Variants in IRF2BP2 observed in about 807,000 individuals in gnomAD.
IRF2BP2 encodes the protein interferon regulatory factor 2 binding protein 2, also known as interferon regulatory factor 2-binding protein 2.
Under a neutral mutation model 32.7 loss-of-function variants are expected in IRF2BP2, and 13 were observed. The observed-to-expected ratio is 0.40, with a 90% confidence interval of 0.26 to 0.63. The LOEUF is 0.63. IRF2BP2 is among the 30% of genes least tolerant of loss of function. The probability of loss-of-function intolerance (pLI) is 0.42; values close to 1 mark genes in which losing one functional copy is unlikely to be tolerated. For synonymous variants in IRF2BP2, 555 were observed against 384.6 expected (o/e 1.44, Z -5.18); for missense variants, 980 against 830.6 (o/e 1.18, Z -2.21).
rs138385624 is a variant in IRF2BP2 at position 234,607,721 on chromosome 1, T to C, written c.1180A>G (p.Thr394Ala). ...GGTGGCGGAGACACAAAAGAGGATG[T>C]AGGAGTCATGGGGATCTTGAGCCCC... The part of the protein sequence containing the change: ...TEGLKIPMTP[T>A]SSFVSPPPPT... Residue 394 changes from threonine to alanine, a missense_variant, in exon 2 of 2, where the codon ACA (threonine) becomes GCA (alanine). Transcript: ENST00000366609. The C allele has an allele frequency of 2.5e-6, 4 of 1,614,054 alleles. No individual in the cohort carries two copies. Among genetic ancestry groups the C allele is most frequent in the South Asian group, 2.2e-5 (2 of 91,084 alleles).
rs574433244 is a variant in IRF2BP2 at position 234,604,665 on chromosome 1, T to C, written c.*2472A>G. On this transcript the variant is annotated 3_prime_UTR_variant, in exon 2 of 2. Coordinates refer to ENST00000366609, the MANE Select transcript of IRF2BP2 (RefSeq NM_182972.3). ...CTTCAACACCCCATCCCCTAATATT[T>C]TGAGTATTAAAAGCACAGCTGAAAT... 1 of 152,188 alleles carries C rather than the reference T, an allele frequency of 6.6e-6. No homozygotes were observed. The highest frequency in any genetic ancestry group is 2.4e-5 in the African/African-American group (1 of 41,448). The allele number at this position is 152,188 out of a possible 1,614,324, so 9.4% of individuals were successfully genotyped here.
intron 1 of IRF2BP2, chr1:234,608,228 G>C (rs1376024306): frequency 5.6e-6 from 3 of 531,600 alleles, no homozygotes; most frequent in Non-Finnish European, 9.9e-6. Context: ...GGAAAACCCC[G>C]TGTCAGAGCG....
Position 234,606,966 on chromosome 1 carries a change from G to A in IRF2BP2, c.*171C>T, listed in dbSNP as rs1261643539. ...TCTTTATAAGTACATACCTTTTGTC[G>A]TCAAAAAAAATATAGAAACACAATG... On this transcript the variant is annotated 3_prime_UTR_variant, in exon 2 of 2. Transcript: ENST00000366609. 2 of 548,734 alleles carry A rather than the reference G, an allele frequency of 3.6e-6. No homozygotes were observed. The highest frequency in any genetic ancestry group is 2.2e-5 in the African/African-American group (1 of 45,362). The allele number at this position is 548,734 out of a possible 1,614,324, so 34.0% of individuals were successfully genotyped here. A position where few individuals can be genotyped will look rare whatever the true frequency, so the allele number is the denominator to read the frequency against.
chr1:234,605,604 T>C lies in IRF2BP2; in HGVS notation c.*1533A>G, dbSNP rs1672139067. On this transcript the variant is annotated 3_prime_UTR_variant, in exon 2 of 2. Coordinates refer to ENST00000366609, the MANE Select transcript of IRF2BP2 (RefSeq NM_182972.3). ...TCAAATGTAAATAGAAGCTAGGCTGTGAACCATACACATAAATTGTAGACC... is the reference window on the plus strand; with the variant it reads ...TCAAATGTAAATAGAAGCTAGGCTGCGAACCATACACATAAATTGTAGACC... The C allele has an allele frequency of 6.6e-6, 1 of 152,250 alleles. No homozygotes were observed. The highest frequency in any genetic ancestry group is 6.5e-5 in the Admixed American group (1 of 15,290). The allele number at this position is 152,250 out of a possible 1,614,324, so 9.4% of individuals were successfully genotyped here.
chr1:234,608,892 G>C lies in IRF2BP2; in HGVS notation c.603C>G (p.Thr201=). ...LMNGSATPLP[T]ALGLGGRAAA... is the part of the protein sequence containing the mutation. ...CAGCGCGGCCGCCGAGGCCGAGCGC[G>C]GTGGGCAGCGGCGTGGCCGAGCCGT... Residue 201 remains threonine, a synonymous_variant, in exon 1 of 2, where the codon ACC becomes ACG. Transcript: ENST00000366609. 1 of 1,332,572 alleles carries C rather than the reference G, an allele frequency of 7.5e-7. No individual in the cohort carries two copies. The highest frequency in any genetic ancestry group is 3.0e-5 in the East Asian group (1 of 32,846). 82.5% of individuals were successfully genotyped at this position (1,332,572 alleles called of 1,614,324 possible). A position where few individuals can be genotyped will look rare whatever the true frequency, so the allele number is the denominator to read the frequency against.
chr1:234,607,065 T>C lies in IRF2BP2; in HGVS notation c.*72A>G, dbSNP rs1672184097. 4.0e-6 allele frequency: 4 copies of C among 1,009,118 alleles called. No individual in the cohort carries two copies. Among genetic ancestry groups the C allele is most frequent in the African/African-American group, 1.6e-5 (1 of 61,840 alleles). 62.5% of individuals were successfully genotyped at this position (1,009,118 alleles called of 1,614,324 possible). Reference sequence around the variant, plus strand: ...TTCCCTTGTCTTGGATATATATATATATGGAGATATATATACAATTCAAGC... The same window carrying C: ...TTCCCTTGTCTTGGATATATATATACATGGAGATATATATACAATTCAAGC... On this transcript the variant is annotated 3_prime_UTR_variant, in exon 2 of 2. Coordinates refer to ENST00000366609, the MANE Select transcript of IRF2BP2 (RefSeq NM_182972.3).
Position 234,607,525 on chromosome 1 carries a change from G to A in IRF2BP2, c.1376C>T (p.Pro459Leu), listed in dbSNP as rs150262546. The change falls in exon 2 of 2, where the codon CCC (proline) becomes CTC (leucine). Residue 459 changes from proline to leucine, a missense_variant. Transcript: ENST00000366609. ...STTRRNSNSPPSPSSMNQRRL... is the reference protein window; with the variant it reads ...STTRRNSNSPLSPSSMNQRRL... ...TCTTTGGTTCATAGAGGACGGAGAG[G>A]GCGGACTGTTGCTATTCCTCCTGGT... The A allele has an allele frequency of 1.8e-4, 285 of 1,614,016 alleles. No homozygotes were observed. Among genetic ancestry groups the A allele is most frequent in the Non-Finnish European group, 2.3e-4 (272 of 1,179,980 alleles).
rs56756186 is a variant in IRF2BP2, at chr1:234,608,422, C to T, written c.1048+25G>A. On this transcript the variant is annotated intron_variant, in intron 1 of 1. Transcript: ENST00000366609. ...CTCCGTCCCCTTTTCTCCCCTAGAC[C>T]CCCTCACTTCACAGCCGCCCCTACC... is the stretch of plus-strand genomic sequence containing the variant. 4,373 of 1,462,102 alleles carry T rather than the reference C, an allele frequency of 3.0e-3. 110 individuals are homozygous for T. In the African/African-American group the frequency reaches 0.052, roughly 18 times the overall value. 90.6% of individuals were successfully genotyped at this position (1,462,102 alleles called of 1,614,324 possible).
chr1:234,607,992 C>A, intron 1 of IRF2BP2, 140 bp from the exon 2 acceptor site: 1 of 679,834 alleles, frequency 1.5e-6, no homozygotes, highest in Non-Finnish European at 2.4e-6. Flanking sequence ...TACTCATATA[C>A]GAGTTTCAGG....
Position 234,609,098 on chromosome 1 carries a change from A to C in IRF2BP2, c.397T>G (p.Phe133Val). Residue 133 changes from phenylalanine (F) to valine (V), a missense_variant, in exon 1 of 2, where the codon TTC (phenylalanine) becomes GTC (valine). Phe to Val is a conservative substitution (Grantham distance 50, BLOSUM62 -1). Transcript: ENST00000366609. The stretch of plus-strand genomic sequence containing the variant: ...CTCGCTGCCGGGCGGCTGCTGCCGA[A>C]GTCAGAGCCGAGGCGCGGGGGCCTC... ...AERPPRLGSD[F>V]GSSRPAASLA... 1 of 1,236,008 alleles carries C rather than the reference A, an allele frequency of 8.1e-7. No homozygotes were observed. The highest frequency in any genetic ancestry group is 1.0e-6 in the Non-Finnish European group (1 of 991,788). The allele number at this position is 1,236,008 out of a possible 1,614,324, so 76.6% of individuals were successfully genotyped here.
rs1445143625 is a variant in IRF2BP2 at position 234,609,828 on chromosome 1, G to C, written c.-334C>G. ...GTGGGGGCTCGGCCGGAGCCGCGGCGGGCCTCCAGACCGGGGCGAAGACGG... is the reference window on the plus strand; with the variant it reads ...GTGGGGGCTCGGCCGGAGCCGCGGCCGGCCTCCAGACCGGGGCGAAGACGG... On this transcript the variant is annotated 5_prime_UTR_variant, in exon 1 of 2. Coordinates refer to ENST00000366609, the MANE Select transcript of IRF2BP2 (RefSeq NM_182972.3). Among the ~76,000 whole-genome samples the C allele has an allele frequency of 7.0e-6, 1 of 142,754 alleles. No homozygotes were observed. The highest frequency in any genetic ancestry group is 1.6e-5 in the Non-Finnish European group (1 of 64,458). 93.7% of individuals were successfully genotyped at this position (142,754 alleles called of 152,430 possible).
In IRF2BP2 at chr1:234,607,745, C is replaced by T. The variant is rs1282744300; in HGVS notation, c.1156G>A (p.Gly386Arg). 6.2e-7 allele frequency: 1 copy of T among 1,614,112 alleles called. No individual in the cohort carries two copies. Among genetic ancestry groups the T allele is most frequent in the South Asian group, 1.1e-5 (1 of 91,076 alleles). The change falls in exon 2 of 2, where the codon GGG becomes AGG. Residue 386 changes from glycine to arginine, a missense_variant. Physicochemically the swap from Gly to Arg is moderately radical, Grantham distance 125 (BLOSUM62 -2). Coordinates refer to ENST00000366609, the MANE Select transcript of IRF2BP2 (RefSeq NM_182972.3). ...GTAGGAGTCATGGGGATCTTGAGCC[C>T]CTCTGTGGATGTGGACAGCCACGGC... ...AQPWLSTSTE[G>R]LKIPMTPTSS...
In IRF2BP2 at chr1:234,605,230, T is replaced by C. The variant is rs1260469008; in HGVS notation, c.*1907A>G. ...ATAAGAGCTGAATTCTTTACAAATG[T>C]CTTTATGGGCATGTAAAATTGACTC... On this transcript the variant is annotated 3_prime_UTR_variant, in exon 2 of 2. Coordinates refer to ENST00000366609, the MANE Select transcript of IRF2BP2 (RefSeq NM_182972.3). The C allele has an allele frequency of 1.3e-5, 2 of 152,254 alleles. No homozygotes were observed. The highest frequency in any genetic ancestry group is 2.9e-5 in the Non-Finnish European group (2 of 68,040). 9.4% of individuals were successfully genotyped at this position (152,254 alleles called of 1,614,324 possible).
rs1672249659 is a variant in IRF2BP2, at chr1:234,608,778, T to C, written c.717A>G (p.Ala239=). 2.8e-6 allele frequency: 4 copies of C among 1,446,480 alleles called. No individual in the cohort carries two copies. Among genetic ancestry groups the C allele is most frequent in the Non-Finnish European group, 3.6e-6 (4 of 1,108,190 alleles). The allele number at this position is 1,446,480 out of a possible 1,614,324, so 89.6% of individuals were successfully genotyped here. ...PTDLGAHKRP[A]SVSSSAAVEH... Reference sequence around the variant, plus strand: ...CCACGGCAGCGCTGCTCGACACGGATGCCGGCCGCTTGTGGGCGCCCAGAT... The same window carrying C: ...CCACGGCAGCGCTGCTCGACACGGACGCCGGCCGCTTGTGGGCGCCCAGAT... The change falls in exon 1 of 2, where the codon GCA becomes GCG. Residue 239 remains alanine, a synonymous_variant. Coordinates refer to ENST00000366609, the MANE Select transcript of IRF2BP2 (RefSeq NM_182972.3).
Position 234,607,430 on chromosome 1 carries a change from C to G in IRF2BP2, c.1471G>C (p.Ala491Pro), listed in dbSNP as rs1672193578. The G allele has an allele frequency of 6.2e-7, 1 of 1,613,934 alleles. No individual in the cohort carries two copies. The highest frequency in any genetic ancestry group is 1.3e-5 in the African/African-American group (1 of 74,934). ...GCCAGAGAGGAGTCCGGGAGGCTGG[C>G]AGGGTGCACTGGCTCCAGTCCTCCT... ...NTGGLEPVHP[A>P]SLPDSSLATS... The change falls in exon 2 of 2, where the codon GCC becomes CCC. Residue 491 changes from alanine (A) to proline (P), a missense_variant. Coordinates refer to ENST00000366609, the MANE Select transcript of IRF2BP2 (RefSeq NM_182972.3).
Position 234,607,279 on chromosome 1 carries a change from T to A in IRF2BP2, c.1622A>T (p.Gln541Leu). 1 of 1,614,242 alleles carries A rather than the reference T, an allele frequency of 6.2e-7. No individual in the cohort carries two copies. The highest frequency in any genetic ancestry group is 8.5e-7 in the Non-Finnish European group (1 of 1,180,034). ...ACAATAGACCTCTCCACTAGCTCCC[T>A]GCTGTTTGATGCTTTGTCTGGAGCA... ...FPCSRQSIKQ[Q>L]GASGEVYCPS... Residue 541 changes from glutamine (Q) to leucine (L), a missense_variant, in exon 2 of 2, where the codon CAG becomes CTG. Physicochemically the swap from Gln to Leu is moderately radical, Grantham distance 113. Transcript: ENST00000366609.
Position 234,607,125 on chromosome 1 carries a change from AAACCGG to A in IRF2BP2, c.*6_*11del. The stretch of plus-strand genomic sequence containing the variant: ...TAAGGGTAATCATTGGGTTTTTCTG[AAACCGG>A]AAAAGTCACGAGTCTCTCTCTTTTT... On this transcript the variant is annotated 3_prime_UTR_variant, in exon 2 of 2. Coordinates refer to ENST00000366609, the MANE Select transcript of IRF2BP2 (RefSeq NM_182972.3). 6.3e-7 allele frequency: 1 copy of A among 1,597,258 alleles called. No homozygotes were observed. Among genetic ancestry groups the A allele is most frequent in the Non-Finnish European group, 8.6e-7 (1 of 1,168,490 alleles).
chr1:234,608,949 G>A lies in IRF2BP2; in HGVS notation c.546C>T (p.His182=). Residue 182 remains histidine (H), a synonymous_variant, in exon 1 of 2, where the codon CAC becomes CAT. Transcript: ENST00000366609. ...NRQSPNPRRG[H]AVPPTLVPLM... is the part of the protein sequence containing the mutation. ...GCGGCACCAGGGTGGGCGGCACCGCGTGGCCGCGCCGCGGGTTCGGGCTCT... is the reference window on the plus strand; with the variant it reads ...GCGGCACCAGGGTGGGCGGCACCGCATGGCCGCGCCGCGGGTTCGGGCTCT... 1.5e-6 allele frequency: 2 copies of A among 1,360,850 alleles called. No homozygotes were observed. The highest frequency in any genetic ancestry group is 2.8e-5 in the East Asian group (1 of 35,186). The allele number at this position is 1,360,850 out of a possible 1,614,324, so 84.3% of individuals were successfully genotyped here. A position where few individuals can be genotyped will look rare whatever the true frequency, so the allele number is the denominator to read the frequency against.
Position 234,609,112 on chromosome 1 carries a change from C to T in IRF2BP2, c.383G>A (p.Arg128His). Residue 128 changes from arginine to histidine, a missense_variant, in exon 1 of 2, where the codon CGC (arginine) becomes CAC (histidine). By Grantham distance (29) the Arg-to-His change is conservative (BLOSUM62 0). Transcript: ENST00000366609. ...PLAAAAERPP[R>H]LGSDFGSSRP... ...GCTGCTGCCGAAGTCAGAGCCGAGG[C>T]GCGGGGGCCTCTCGGCCGCGGCCGC... 8.1e-7 allele frequency: 1 copy of T among 1,228,412 alleles called. No homozygotes were observed. Among genetic ancestry groups the T allele is most frequent in the Non-Finnish European group, 1.0e-6 (1 of 986,914 alleles). The allele number at this position is 1,228,412 out of a possible 1,614,324, so 76.1% of individuals were successfully genotyped here.
Sources: allele counts gnomAD v4.1 joint callset (sites outside exome capture counted in the v4.1 genomes callset), GRCh38; gene constraint gnomAD v4.1.1; transcripts MANE v1.5; gene names NCBI Gene and HGNC (gene_info 2026-07-23, HGNC 2026-07-21).